The following PAPSS2 variants were observed in gnomAD, a reference collection of about 807,000 sequenced individuals.
PAPSS2 encodes 3'-phosphoadenosine 5'-phosphosulfate synthase 2.
In PAPSS2, 61 loss-of-function variants were observed where a neutral mutation model predicts 66.5. That is an observed-to-expected ratio of 0.92 (90% CI 0.75 to 1.14). The LOEUF (loss-of-function observed/expected upper bound fraction) is 1.14, where lower values mean the gene tolerates loss of function less well. PAPSS2 is among the 50% of genes most tolerant of loss of function. The probability of loss-of-function intolerance (pLI) is 0.00; values close to 1 mark genes in which losing one functional copy is unlikely to be tolerated. For synonymous variants in PAPSS2, 289 were observed against 287.5 expected (o/e 1.01, Z -0.05); for missense variants, 708 against 789.6 (o/e 0.90, Z 1.24).
intron 1 of PAPSS2, among the ~76,000 whole-genome samples, chr10:87,700,983 G>T (rs1853296825): frequency 6.6e-6 from 1 of 151,740 alleles, no homozygotes; most frequent in Non-Finnish European, 1.5e-5. Context: ...AGTTTGAAGA[G>T]TATTTTTGGC....
intron 1 of PAPSS2, among the ~76,000 whole-genome samples, chr10:87,676,061 A>AATAATT (rs1852942389): frequency 6.7e-6 from 1 of 149,266 alleles, no homozygotes; most frequent in Admixed American, 6.7e-5. Context: ...AATATTTAAA[A>AATAATT]TTAAATATTC....
intron 1 of PAPSS2, among the ~76,000 whole-genome samples, chr10:87,667,694 C>T (rs1008436497): frequency 3.3e-5 from 5 of 152,230 alleles, no homozygotes; most frequent in East Asian, 3.9e-4. Flanking sequence ...TGTGCAAGCA[C>T]GACTGTAATA....
chr10:87,670,977 A>C (rs1280452452), intron 1 of PAPSS2, among the ~76,000 whole-genome samples: 2 of 152,170 alleles, frequency 1.3e-5, no homozygotes, highest in African/African-American at 4.8e-5. Flanking sequence ...AGGGTTCCCC[A>C]AATAGAAGAA....
intron 1 of PAPSS2, among the ~76,000 whole-genome samples, chr10:87,690,854 G>A (rs567977491): frequency 4.3e-4 from 66 of 152,268 alleles, no homozygotes; most frequent in African/African-American, 1.5e-3. Flanking sequence ...TATAAGTGAA[G>A]GAACAGAGAG....
At chr10:87,743,747 G>T in intron 11 of PAPSS2, 106 bp downstream of exon 11, 1 of 1,303,956 alleles carries the variant, frequency 7.7e-7, no homozygotes, top group Non-Finnish European at 1.1e-6. Flanking sequence ...CTCATGAGCA[G>T]ATTCTGGAAT....
intron 9 of PAPSS2, among the ~76,000 whole-genome samples, chr10:87,734,968 A>G (rs930714781): frequency 4.0e-5 from 6 of 151,492 alleles, no homozygotes; most frequent in African/African-American, 1.5e-4. Flanking sequence ...CCTATTTATC[A>G]TAGCTTTCTT....
intron 9 of PAPSS2, among the ~76,000 whole-genome samples, chr10:87,739,806 T>G (rs1472183675): frequency 6.6e-6 from 1 of 152,238 alleles, no homozygotes; most frequent in East Asian, 1.9e-4. Flanking sequence ...CATCATGCAC[T>G]TGCAGTAAAA....
In PAPSS2 at chr10:87,747,467, C is replaced by CT. The variant is rs1853957028; in HGVS notation, c.*1500dup. 1 of 152,258 alleles carries CT rather than the reference C, an allele frequency of 6.6e-6. No individual in the cohort carries two copies. Among genetic ancestry groups the CT allele is most frequent in the East Asian group, 1.9e-4 (1 of 5,186 alleles). The allele number at this position is 152,258 out of a possible 1,614,324, so 9.4% of individuals were successfully genotyped here. The stretch of plus-strand genomic sequence containing the variant: ...ACACACAATGGCCACAGCAGTTTGT[C>CT]TTTAATAGTATAGTGCCTATACTCA... On this transcript the variant is annotated 3_prime_UTR_variant, in exon 13 of 13. Transcript: ENST00000456849.
intron 8 of PAPSS2, among the ~76,000 whole-genome samples, chr10:87,725,152 T>C (rs566241351): frequency 3.7e-4 from 57 of 152,320 alleles, no homozygotes; most frequent in African/African-American, 1.3e-3. Flanking sequence ...AAAGTACCTC[T>C]ACAGAAACAT....
In PAPSS2 at chr10:87,709,186, T is replaced by C. The variant is rs759875864; in HGVS notation, c.28-10T>C. 4.4e-6 allele frequency: 7 copies of C among 1,578,414 alleles called. No homozygotes were observed. In the African/African-American group the frequency reaches 9.4e-5, roughly 21 times the overall value. ...ATTAATACTGTGCTTGGTTTTGTCT[T>C]ATTTTATAGGAGAACCAGCAGAAAT... On this transcript the variant is annotated splice_polypyrimidine_tract_variant and intron_variant, in intron 1 of 12. Coordinates refer to ENST00000456849, the MANE Select transcript of PAPSS2 (RefSeq NM_001015880.2).
chr10:87,714,439 G>A (rs555438757), intron 4 of PAPSS2, among the ~76,000 whole-genome samples: 34 of 152,254 alleles, frequency 2.2e-4, no homozygotes, highest in Middle Eastern at 3.4e-3. Flanking sequence ...ATATGTGAGT[G>A]TGTGTGTGTA....
chr10:87,723,237 A>G (rs149461818), intron 8 of PAPSS2, among the ~76,000 whole-genome samples: 365 of 152,372 alleles, frequency 2.4e-3, no homozygotes, highest in African/African-American at 8.4e-3. Context: ...CACAGAAAGC[A>G]TGATTTCTAG....
intron 1 of PAPSS2, among the ~76,000 whole-genome samples, chr10:87,689,157 A>G (rs1422667960): frequency 6.6e-6 from 1 of 151,494 alleles, no homozygotes; most frequent in Admixed American, 6.6e-5. Flanking sequence ...CCTGACCAAC[A>G]TGGAGAAACC....
At chr10:87,734,677 A>G (rs1215332042) in intron 9 of PAPSS2, among the ~76,000 whole-genome samples, 43 of 115,208 alleles carry the variant, frequency 3.7e-4, no homozygotes, top group South Asian at 1.7e-3. Flanking sequence ...ATATATATAT[A>G]TATATATATA....
At chr10:87,743,766 G>GTC in intron 11 of PAPSS2, 125 bp downstream of exon 11, 1 of 1,144,612 alleles carries the variant, frequency 8.7e-7, no homozygotes, top group Non-Finnish European at 1.3e-6. Context: ...ATGTTCTGGT[G>GTC]TCTCTTCTTT....
At chr10:87,670,403 G>A (rs966529445) in intron 1 of PAPSS2, among the ~76,000 whole-genome samples, 1 of 152,214 alleles carries the variant, frequency 6.6e-6, no homozygotes, top group African/African-American at 2.4e-5. Context: ...TCATGGGATT[G>A]TAAAAGGTAT....
intron 9 of PAPSS2, among the ~76,000 whole-genome samples, chr10:87,731,033 T>G (rs982609806): frequency 6.6e-6 from 1 of 152,206 alleles, no homozygotes; most frequent in African/African-American, 2.4e-5. Context: ...CAGCCTTCTA[T>G]TGGAAGAAGA....
chr10:87,671,379 G>A (rs1386531227), intron 1 of PAPSS2, among the ~76,000 whole-genome samples: 1 of 152,206 alleles, frequency 6.6e-6, no homozygotes, highest in Non-Finnish European at 1.5e-5. Context: ...AGCAAATGCT[G>A]TTAAAAGGCA....
At chr10:87,670,532 G>T (rs569913627) in intron 1 of PAPSS2, among the ~76,000 whole-genome samples, 4 of 151,974 alleles carry the variant, frequency 2.6e-5, no homozygotes, top group African/African-American at 9.7e-5. Flanking sequence ...TACTAGGAAG[G>T]TTCATATTCC....
Sources: gnomAD v4.1 joint callset for allele counts (sites outside exome capture counted in the v4.1 genomes callset) on GRCh38, gnomAD v4.1.1 for gene constraint, MANE v1.5 for transcripts, NCBI Gene and HGNC (gene_info 2026-07-23, HGNC 2026-07-21) for gene names.